DYSF: variants seen among roughly 807,000 people sequenced by gnomAD.
DYSF encodes dysferlin.
In DYSF, 212 loss-of-function variants were observed where a neutral mutation model predicts 274.9. That is an observed-to-expected ratio of 0.77 (90% confidence interval 0.69 to 0.86). The LOEUF (loss-of-function observed/expected upper bound fraction) is 0.86. Ranked by LOEUF, DYSF falls within the 40% of genes least tolerant of loss-of-function variation. DYSF has a pLI of 0.00. For synonymous variants in DYSF, 1,091 were observed against 1,078.7 expected, an observed-to-expected ratio of 1.01 and a Z score of -0.22; for missense variants, 2,666 against 2,783.2, an observed-to-expected ratio of 0.96 and a Z score of 0.95.
At chr2:71,613,163 A>G (rs1253959307) in intron 39 of DYSF, among the ~76,000 whole-genome samples, 171 bp from the exon 40 acceptor site, 1 of 152,222 alleles carries the variant, frequency 6.6e-6, no homozygotes, top group African/African-American at 2.4e-5. Context: ...GATGGGAGAG[A>G]TGGAGATGAG....
At chr2:71,545,880 C>A (rs993799221) in intron 17 of DYSF, among the ~76,000 whole-genome samples, 1 of 152,158 alleles carries the variant, frequency 6.6e-6, no homozygotes, top group Admixed American at 6.5e-5. Flanking sequence ...CTAGATGGCG[C>A]TCAGGTCACG....
intron 12 of DYSF, among the ~76,000 whole-genome samples, chr2:71,521,403 G>A (rs2087258870): frequency 6.6e-6 from 1 of 152,166 alleles, no homozygotes; most frequent in Admixed American, 6.5e-5. Flanking sequence ...AGGAGTGAGG[G>A]GTTAGATTTA....
At chr2:71,570,438 C>G in intron 28 of DYSF, 104 bp downstream of exon 28, 1 of 1,431,964 alleles carries the variant, frequency 7.0e-7, no homozygotes, top group Non-Finnish European at 9.7e-7. Flanking sequence ...CTATTTCACC[C>G]AGGGACGCTT....
chr2:71,573,332 C>T (rs1238044126), intron 29 of DYSF, among the ~76,000 whole-genome samples: 1 of 152,214 alleles, frequency 6.6e-6, no homozygotes, highest in African/African-American at 2.4e-5. Context: ...TTGCCCACCA[C>T]CCCACAGCCA....
At position 71,571,293 on chromosome 2, in the gene DYSF, GCA is replaced by G. The variant is rs573721595; in HGVS notation, c.3228+559_3228+560del. 4.5e-3 allele frequency among the ~76,000 whole-genome samples: 586 copies of G among 129,428 alleles called. 7 individuals are homozygous for G. Among genetic ancestry groups the G allele is most frequent in the African/African-American group, 0.017 (560 of 32,976 alleles). 84.9% of individuals were successfully genotyped at this position (129,428 alleles called of 152,430 possible). ...GCAGCACACCCACAGTTCACACCTAGCACACACAGATTACACCTAGCACACCC... is the reference window on the plus strand; with the variant it reads ...GCAGCACACCCACAGTTCACACCTAGCACACAGATTACACCTAGCACACCC... On this transcript the variant is annotated intron_variant, in intron 29 of 55. Transcript: ENST00000410020.
chr2:71,667,808 T>G (rs2095044077), intron 48 of DYSF, among the ~76,000 whole-genome samples: 1 of 152,162 alleles, frequency 6.6e-6, no homozygotes, highest in Admixed American at 6.5e-5. Context: ...GAAGCCTCTC[T>G]GTTTCAGCCT....
rs2094368756 is a variant in DYSF at position 71,634,699 on chromosome 2, G to A, written c.4528-9266G>A. ...ATCAACATTTTAGGTTTAAACTTAG[G>A]CAGTCTGGGCTTTCTATCTTCCTCC... On this transcript the variant is annotated intron_variant, in intron 41 of 55. Coordinates refer to ENST00000410020, the MANE Select transcript of DYSF (RefSeq NM_001130987.2). 3.3e-5 allele frequency among the ~76,000 whole-genome samples: 5 copies of A among 152,134 alleles called. No individual in the cohort carries two copies. The South Asian group carries it at 1.0e-3, about 32-fold the overall frequency.
At chr2:71,654,430 G>A (rs918743413) in intron 42 of DYSF, among the ~76,000 whole-genome samples, 2 of 152,156 alleles carry the variant, frequency 1.3e-5, no homozygotes, top group African/African-American at 4.8e-5. Context: ...TTAAACAAGT[G>A]CACAAAACAC....
intron 30 of DYSF, among the ~76,000 whole-genome samples, chr2:71,586,552 AG>A (rs1418011124): frequency 6.6e-6 from 1 of 152,050 alleles, no homozygotes; most frequent in African/African-American, 2.4e-5. Flanking sequence ...CCAGGGACTC[AG>A]TGAGGTCCAC....
At chr2:71,641,138 A>G (rs1572903143) in intron 41 of DYSF, among the ~76,000 whole-genome samples, 1 of 147,948 alleles carries the variant, frequency 6.8e-6, no homozygotes, top group South Asian at 2.1e-4. Flanking sequence ...TCCTAATAGT[A>G]TATCTACTTT....
At chr2:71,682,206 G>T (rs576556280) in intron 54 of DYSF, among the ~76,000 whole-genome samples, 3 of 152,208 alleles carry the variant, frequency 2.0e-5, no homozygotes, top group African/African-American at 7.2e-5. Flanking sequence ...TCTGCAGTTT[G>T]TGATTAAGTC....
At chr2:71,528,569 A>G (rs1267776258) in intron 14 of DYSF, among the ~76,000 whole-genome samples, 168 bp downstream of exon 14, 1 of 152,162 alleles carries the variant, frequency 6.6e-6, no homozygotes, top group Admixed American at 6.5e-5. Context: ...CCCAGCTCTC[A>G]GGGACTGCCC....
At chr2:71,553,768 ACT>A in intron 20 of DYSF, 37 bp from the exon 21 acceptor site, 1 of 452,124 alleles carries the variant, frequency 2.2e-6, no homozygotes, top group Non-Finnish European at 3.5e-6. Context: ...CCCGCCCTCC[ACT>A]CCTGGCACAG....
intron 14 of DYSF, among the ~76,000 whole-genome samples, 186 bp downstream of exon 14, chr2:71,528,587 G>A (rs897658469): frequency 2.0e-5 from 3 of 152,170 alleles, no homozygotes; most frequent in South Asian, 2.1e-4. Flanking sequence ...CCCCGCACAC[G>A]AATGTGGACA....
intron 40 of DYSF, among the ~76,000 whole-genome samples, chr2:71,614,728 G>T (rs1322725945): frequency 6.6e-6 from 1 of 152,164 alleles, no homozygotes; most frequent in Non-Finnish European, 1.5e-5. Context: ...CTTAGCGGAG[G>T]TGTTAATGAA....
At chr2:71,570,033 CT>C in intron 27 of DYSF, 99 bp downstream of exon 27, 1 of 1,219,644 alleles carries the variant, frequency 8.2e-7, no homozygotes. Flanking sequence ...TTTGCCCCCT[CT>C]TACCTCCGGA....
chr2:71,640,044 T>C (rs1416462112), intron 41 of DYSF, among the ~76,000 whole-genome samples: 1 of 152,230 alleles, frequency 6.6e-6, no homozygotes, highest in African/African-American at 2.4e-5. Context: ...TTACAGATAA[T>C]TGAGTCCAAG....
At position 71,615,974 on chromosome 2, in the gene DYSF, C is replaced by T. The variant is rs2093873510; in HGVS notation, c.4464+2564C>T. Among the ~76,000 whole-genome samples the T allele has an allele frequency of 6.6e-6, 1 of 152,166 alleles. No homozygotes were observed. Among genetic ancestry groups the T allele is most frequent in the African/African-American group, 2.4e-5 (1 of 41,438 alleles). On this transcript the variant is annotated intron_variant, in intron 40 of 55. Coordinates refer to ENST00000410020, the MANE Select transcript of DYSF (RefSeq NM_001130987.2). The surrounding 1 kb of genome is among the most constrained non-coding windows in gnomAD (Gnocchi z 4.9). Reference sequence around the variant, plus strand: ...CCCTCCTAGCTCAAACCTGCTCTTGCCAGAGTTACCCTTCCATCTTGGTCC... The same window carrying T: ...CCCTCCTAGCTCAAACCTGCTCTTGTCAGAGTTACCCTTCCATCTTGGTCC...
At chr2:71,673,041 C>T (rs1187234300) in intron 51 of DYSF, among the ~76,000 whole-genome samples, 6 of 152,202 alleles carry the variant, frequency 3.9e-5, no homozygotes, top group Non-Finnish European at 8.8e-5. Flanking sequence ...CAGGCCCTGG[C>T]TGGACAGCAA....
Sources: allele counts gnomAD v4.1 joint callset (sites outside exome capture counted in the v4.1 genomes callset), GRCh38; gene constraint gnomAD v4.1.1; non-coding constraint Gnocchi (gnomAD v3.1); transcripts MANE v1.5; gene names NCBI Gene and HGNC (gene_info 2026-07-23, HGNC 2026-07-21).